The following KIAA0586 variants were observed in gnomAD, a reference collection of about 807,000 sequenced individuals.
KIAA0586 encodes protein TALPID3.
KIAA0586 carries 144 observed loss-of-function variants against 169.8 expected under a neutral mutation model. That is an observed-to-expected ratio of 0.85 (90% CI 0.74 to 0.97). KIAA0586 has a LOEUF of 0.97. Among genes scored for constraint, KIAA0586 ranks in the 50% least tolerant of loss-of-function variants. KIAA0586 has a pLI of 0.00. For synonymous variants in KIAA0586, 625 were observed against 612.4 expected (o/e 1.02, Z -0.30); for missense variants, 1,854 against 1,823.0 (o/e 1.02, Z -0.31).
chr14:58,487,220 A>G (rs1433103817), intron 22 of KIAA0586, 54 bp downstream of exon 22: 4 of 1,438,712 alleles, frequency 2.8e-6, no homozygotes, highest in African/African-American at 1.4e-5. Flanking sequence ...ATTAAATTTC[A>G]TGATTTGTAT....
intron 29 of KIAA0586, chr14:58,537,068 G>C: frequency 7.9e-7 from 1 of 1,264,528 alleles, no homozygotes; most frequent in Non-Finnish European, 1.0e-6. Flanking sequence ...TTTTCAAGTT[G>C]TGTTGACCTA....
At position 58,521,217 on chromosome 14, in the gene KIAA0586, A is replaced by C. The variant is rs1204182394; in HGVS notation, c.4429+8590A>C. 3.6e-5 allele frequency: 35 copies of C among 963,132 alleles called. No individual in the cohort carries two copies. The East Asian group carries it at 1.1e-3, about 30-fold the overall frequency. 59.7% of individuals were successfully genotyped at this position (963,132 alleles called of 1,614,324 possible). ...GGCTTTGTGAGAAGCCTCATCATCCAACACAGTGGCCAGCAACGTTGCCGA... is the reference window on the plus strand; with the variant it reads ...GGCTTTGTGAGAAGCCTCATCATCCCACACAGTGGCCAGCAACGTTGCCGA... On this transcript the variant is annotated intron_variant, in intron 29 of 30. Transcript: ENST00000652326.
intron 26 of KIAA0586, 78 bp from the exon 27 acceptor site, chr14:58,498,705 C>G: frequency 7.9e-7 from 1 of 1,264,502 alleles, no homozygotes; most frequent in Non-Finnish European, 1.1e-6. Context: ...GGGTATTGTT[C>G]ATGATATTTG....
chr14:58,557,195 AG>A, the KIAA0586 span, among the ~76,000 whole-genome samples: 2 of 152,218 alleles, frequency 1.3e-5, no homozygotes, highest in African/African-American at 4.8e-5. Flanking sequence ...TTATTTTAGT[AG>A]ACAGATGGAC....
At chr14:58,463,834 AAAAAATTAGATACATT>A (rs2040522617) in intron 14 of KIAA0586, 2 of 261,110 alleles carry the variant, frequency 7.7e-6, no homozygotes. Context: ...TCTAAAAAAA[AAAAAATTAGATACATT>A]AAAAAATTAG....
chr14:58,447,100 A>G (rs933929687), intron 6 of KIAA0586, among the ~76,000 whole-genome samples: 2 of 152,244 alleles, frequency 1.3e-5, no homozygotes, highest in Non-Finnish European at 2.9e-5. Flanking sequence ...TATAAAGCTT[A>G]TAATTACAGA....
chr14:58,439,502 C>A (rs1367474291), intron 4 of KIAA0586, among the ~76,000 whole-genome samples: 2 of 151,728 alleles, frequency 1.3e-5, no homozygotes, highest in African/African-American at 4.8e-5. Context: ...GCCATTTCTT[C>A]ATCTGTAAAA....
Position 58,465,904 on chromosome 14 carries a change from A to G in KIAA0586, c.2129A>G (p.Lys710Arg), listed in dbSNP as rs769399756. 14 of 1,613,186 alleles carry G rather than the reference A, an allele frequency of 8.7e-6. No homozygotes were observed. In the South Asian group the frequency reaches 1.5e-4, roughly 18 times the overall value. The change falls in exon 15 of 31, where the codon AAA (lysine) becomes AGA (arginine). Residue 710 changes from lysine to arginine, a missense_variant. Lys to Arg is a conservative substitution (Grantham distance 26). Coordinates refer to ENST00000652326, the MANE Select transcript of KIAA0586 (RefSeq NM_001329943.3). ...ACAAAACCTAAGAAGATGGATTCTA[A>G]AATGAAACATTCTGTTCCTGTGTTA... ...YATKPKKMDS[K>R]MKHSVPVLPH...
intron 29 of KIAA0586, among the ~76,000 whole-genome samples, chr14:58,538,470 G>A (rs189343490): frequency 1.3e-5 from 2 of 151,904 alleles, no homozygotes; most frequent in African/African-American, 2.4e-5. Flanking sequence ...TACACAGTAG[G>A]TATATGTATT....
chr14:58,555,364 G>A (rs1475387912), downstream of KIAA0586, among the ~76,000 whole-genome samples: 3 of 152,074 alleles, frequency 2.0e-5, no homozygotes, highest in Non-Finnish European at 4.4e-5. Context: ...GCCTCCCAAA[G>A]TGCTGGGATT....
At chr14:58,521,270 C>T in intron 29 of KIAA0586, 4 of 1,140,198 alleles carry the variant, frequency 3.5e-6, no homozygotes, top group Non-Finnish European at 5.2e-6. Context: ...CCATGAACTC[C>T]CGTGTGTTCA....
intron 8 of KIAA0586, among the ~76,000 whole-genome samples, chr14:58,452,878 T>G (rs905248457): frequency 2.0e-5 from 3 of 150,882 alleles, no homozygotes; most frequent in Non-Finnish European, 4.4e-5. Context: ...ATTTGATGAG[T>G]GTATTTATGG....
chr14:58,459,594 C>G (rs1220900763), intron 12 of KIAA0586, among the ~76,000 whole-genome samples: 3 of 151,934 alleles, frequency 2.0e-5, no homozygotes, highest in African/African-American at 4.8e-5. Flanking sequence ...GTCCTGCTAC[C>G]CCTGCAACCC....
At chr14:58,527,733 C>G (rs1346431912) in intron 29 of KIAA0586, among the ~76,000 whole-genome samples, 3 of 152,146 alleles carry the variant, frequency 2.0e-5, no homozygotes, top group African/African-American at 7.2e-5. Flanking sequence ...GAAAAACTTG[C>G]ACCAGCCACT....
chr14:58,525,873 G>A (rs372671924), intron 29 of KIAA0586, among the ~76,000 whole-genome samples: 7 of 152,172 alleles, frequency 4.6e-5, no homozygotes, highest in African/African-American at 1.2e-4. Context: ...AAGCTTGGTC[G>A]GGGGAGGGGC....
intron 16 of KIAA0586, among the ~76,000 whole-genome samples, chr14:58,468,181 G>A (rs2140962501): frequency 6.6e-6 from 1 of 152,208 alleles, no homozygotes; most frequent in African/African-American, 2.4e-5. Context: ...GAGTAGCTGG[G>A]ATTACAGGCG....
chr14:58,463,611 C>T (rs551507079), intron 14 of KIAA0586, among the ~76,000 whole-genome samples: 59 of 151,906 alleles, frequency 3.9e-4, no homozygotes, highest in Non-Finnish European at 7.8e-4. Flanking sequence ...GAGGCTGAGG[C>T]AAGAGGATTG....
At chr14:58,521,134 C>T (rs1385257702) in intron 29 of KIAA0586, 5 of 518,068 alleles carry the variant, frequency 9.7e-6, no homozygotes, top group Non-Finnish European at 1.1e-5. Flanking sequence ...GTCTCAGAAT[C>T]GAATCTCTTC....
chr14:58,448,192 C>T, intron 6 of KIAA0586, 148 bp from the exon 7 acceptor site: 2 of 584,758 alleles, frequency 3.4e-6, no homozygotes, highest in Non-Finnish European at 3.0e-6. Flanking sequence ...GCTGCTACTA[C>T]AGTGGATACT....
Sources: gnomAD v4.1 joint callset for allele counts (sites outside exome capture counted in the v4.1 genomes callset) on GRCh38, gnomAD v4.1.1 for gene constraint, MANE v1.5 for transcripts, NCBI Gene and HGNC (gene_info 2026-07-23, HGNC 2026-07-21) for gene names.